Variants in IQSEC2 observed in about 807,000 individuals in gnomAD.
The protein encoded by IQSEC2 is IQ motif and SEC7 domain-containing protein 2.
IQSEC2 carries 6 observed loss-of-function variants against 74.6 expected under a neutral mutation model. That is an observed-to-expected ratio of 0.08 (90% CI 0.04 to 0.16). IQSEC2 has a LOEUF of 0.16. IQSEC2 is among the 10% of genes least tolerant of loss of function. The pLI, the probability that IQSEC2 is intolerant of heterozygous loss-of-function variation, is 1.00. For missense variants in IQSEC2, 734 were observed against 1,306.2 expected, an observed-to-expected ratio of 0.56 and a Z score of 6.75; for synonymous variants, 494 against 544.5, an observed-to-expected ratio of 0.91 and a Z score of 1.29.
In IQSEC2 at chrX:53,234,656, T is replaced by A; in HGVS notation, c.4030A>T (p.Arg1344Ter). The A allele has an allele frequency of 8.8e-7, 1 of 1,139,053 alleles. No individual in the cohort carries two copies. 93.9% of individuals were successfully genotyped at this position (1,139,053 alleles called of 1,213,427 possible). Residue 1344 changes from arginine to a stop codon, truncating the protein, a stop_gained, in exon 15 of 15, where the codon AGA becomes TGA. Coordinates refer to ENST00000642864, the MANE Select transcript of IQSEC2 (RefSeq NM_001111125.3). LOFTEE classifies it high-confidence loss of function. ...TGAGGGTGTCCTCCAGCCCCCCGTC[T>A]GGGTGCCCTGCCTGGCCGGCCCAAG... The part of the protein sequence containing the change: ...YTLGRPGRAP[R>*]RGAGGHPQFA...
chrX:53,234,728 G>A lies in IQSEC2; in HGVS notation c.3958C>T (p.Arg1320Cys), dbSNP rs1556859104. The A allele has an allele frequency of 4.4e-6, 5 of 1,126,886 alleles. No homozygotes were observed. The highest frequency in any genetic ancestry group is 4.7e-6 in the Non-Finnish European group (4 of 852,437). The allele number at this position is 1,126,886 out of a possible 1,213,427, so 92.9% of individuals were successfully genotyped here. A position where few individuals can be genotyped will look rare whatever the true frequency, so the allele number is the denominator to read the frequency against. The change falls in exon 15 of 15, where the codon CGC becomes TGC. Residue 1320 changes from arginine (R) to cysteine (C), a missense_variant. Around this residue, in one of 12 missense-constraint regions of IQSEC2, gnomAD observed 249 missense variants for 467.9 expected, o/e 0.53. Coordinates refer to ENST00000642864, the MANE Select transcript of IQSEC2 (RefSeq NM_001111125.3). ...ACTGGGCCATGGGCGTGGAAGTGGC[G>A]ATGTGGCCCCACAGGTGGGGCTGAG... Reference protein sequence around the residue: ...PASAPPVGPHRHFHAHGPVPG... With the variant: ...PASAPPVGPHCHFHAHGPVPG...
At chrX:53,283,849 G>A (rs901158152) in intron 2 of IQSEC2, among the ~76,000 whole-genome samples, 8 of 112,575 alleles carry the variant, frequency 7.1e-5, no homozygotes, top group African/African-American at 2.6e-4. Flanking sequence ...AGTGAGAAGA[G>A]ACAGACATTC....
intron 1 of IQSEC2, among the ~76,000 whole-genome samples, chrX:53,294,277 T>C (rs1556873741): frequency 8.9e-6 from 1 of 112,824 alleles, no homozygotes; most frequent in African/African-American, 3.2e-5. Flanking sequence ...TCGCCAATTC[T>C]CGCTATGGAC....
chrX:53,288,368 G>A (rs1177264225), intron 2 of IQSEC2, among the ~76,000 whole-genome samples: 9 of 111,009 alleles, frequency 8.1e-5, no homozygotes, highest in Non-Finnish European at 1.7e-4. Context: ...CCCTGTCTCC[G>A]CGGGTGTCAG....
rs2074097744 is a variant in IQSEC2, at chrX:53,234,648, C to T, written c.4038G>A (p.Gly1346=). The change falls in exon 15 of 15, where the codon GGG becomes GGA. Residue 1346 remains glycine, a synonymous_variant. Transcript: ENST00000642864. ...LGRPGRAPRR[G]AGGHPQFAPH... is the part of the protein sequence containing the mutation. The stretch of plus-strand genomic sequence containing the variant: ...GAGCAAACTGAGGGTGTCCTCCAGC[C>T]CCCCGTCTGGGTGCCCTGCCTGGCC... 2.6e-6 allele frequency: 3 copies of T among 1,138,313 alleles called. No individual in the cohort carries two copies. In the African/African-American group the frequency reaches 5.4e-5, roughly 21 times the overall value. The allele number at this position is 1,138,313 out of a possible 1,213,427, so 93.8% of individuals were successfully genotyped here.
chrX:53,237,920 G>A (rs2074159865), intron 12 of IQSEC2: 1 of 446,448 alleles, frequency 2.2e-6, no homozygotes. Flanking sequence ...TCACTAGAAG[G>A]AATAGTTGGC....
At chrX:53,316,132 G>C (rs1201673874) in intron 1 of IQSEC2, among the ~76,000 whole-genome samples, 3 of 112,061 alleles carry the variant, frequency 2.7e-5, no homozygotes, top group Admixed American at 9.5e-5. Context: ...CAGGGGTTCT[G>C]CAAGCGCTAA....
At chrX:53,242,433 C>CAAAA (rs138931001) in intron 9 of IQSEC2, among the ~76,000 whole-genome samples, 3 of 35,991 alleles carry the variant, frequency 8.3e-5, no homozygotes, top group African/African-American at 3.1e-4. Flanking sequence ...AACTCCATGT[C>CAAAA]AAAAAAAAAA....
intron 2 of IQSEC2, among the ~76,000 whole-genome samples, chrX:53,274,409 T>C (rs965391025): frequency 1.0e-4 from 11 of 109,618 alleles, no homozygotes; most frequent in Non-Finnish European, 1.7e-4. Context: ...ATATTTTTAA[T>C]TTGGGAACCT....
At chrX:53,306,397 G>C (rs956227064) in intron 1 of IQSEC2, among the ~76,000 whole-genome samples, 1 of 111,258 alleles carries the variant, frequency 9.0e-6, no homozygotes, top group South Asian at 3.9e-4. Flanking sequence ...CGGTTCCTCG[G>C]CTGAGGGCTC....
At chrX:53,295,284 CA>C (rs2075139307) in intron 1 of IQSEC2, among the ~76,000 whole-genome samples, 2 of 111,694 alleles carry the variant, frequency 1.8e-5, no homozygotes, top group Non-Finnish European at 3.8e-5. Context: ...GTAATCTGAC[CA>C]GAGATTTTAA....
intron 2 of IQSEC2, chrX:53,266,294 A>C: frequency 3.1e-6 from 2 of 642,192 alleles, no homozygotes; most frequent in Non-Finnish European, 3.7e-6. Context: ...GGAAGAGGGA[A>C]GTGGGGGTGG....
intron 1 of IQSEC2, among the ~76,000 whole-genome samples, chrX:53,305,476 G>A (rs1226154722): frequency 9.0e-6 from 1 of 111,663 alleles, no homozygotes; most frequent in Non-Finnish European, 1.9e-5. Context: ...CTCCCAAAGT[G>A]CTGGGAGTAC....
At chrX:53,304,071 G>T (rs1486147266) in intron 1 of IQSEC2, among the ~76,000 whole-genome samples, 5 of 108,908 alleles carry the variant, frequency 4.6e-5, no homozygotes, top group Non-Finnish European at 9.5e-5. Flanking sequence ...GGAGGTGGAG[G>T]TTGCAGTGAG....
chrX:53,230,373 C>T (rs1556858262), downstream of IQSEC2: 1 of 113,011 alleles, frequency 8.8e-6, no homozygotes, highest in African/African-American at 3.2e-5. Context: ...TACTTACCCA[C>T]ATGTGCTTAT....
intron 1 of IQSEC2, among the ~76,000 whole-genome samples, chrX:53,305,637 A>G (rs2075254094): frequency 8.9e-6 from 1 of 112,194 alleles, no homozygotes; most frequent in Admixed American, 9.5e-5. Context: ...GGTACGGAGG[A>G]GCAATGTGAC....
intron 2 of IQSEC2, among the ~76,000 whole-genome samples, chrX:53,285,328 TACTC>T: frequency 8.9e-6 from 1 of 112,780 alleles, no homozygotes; most frequent in Middle Eastern, 4.6e-3. Flanking sequence ...GCAGGGCTGT[TACTC>T]ACCACCCTAT....
intron 2 of IQSEC2, among the ~76,000 whole-genome samples, chrX:53,285,069 ACT>A (rs782780307): frequency 6.3e-5 from 7 of 110,672 alleles, no homozygotes; most frequent in East Asian, 2.9e-4. Context: ...GGTGCCAAAC[ACT>A]CTTCTCGCAG....
downstream of IQSEC2, chrX:53,230,944 C>G (rs782466514): frequency 8.9e-6 from 1 of 111,969 alleles, no homozygotes; most frequent in Non-Finnish European, 1.9e-5. Flanking sequence ...AGGAGAAGAA[C>G]GTAGGAAACA....
Sources: gnomAD v4.1 joint callset for allele counts (sites outside exome capture counted in the v4.1 genomes callset) on GRCh38, gnomAD v4.1.1 for gene constraint, gnomAD v4.1.1 regional missense constraint, MANE v1.5 for transcripts, NCBI Gene and HGNC (gene_info 2026-07-23, HGNC 2026-07-21) for gene names.